SAXO1: variants seen among roughly 807,000 people sequenced by gnomAD.
SAXO1 encodes the protein stabilizer of axonemal microtubules 1.
In SAXO1, 21 loss-of-function variants were observed where a neutral mutation model predicts 17.5. The ratio of observed to expected loss-of-function variants is 1.20; its 90% CI spans 0.85 to 1.72. SAXO1 has a LOEUF of 1.72. Among genes scored for constraint, SAXO1 ranks in the 40% most tolerant of loss-of-function variants. The pLI is 0.00. For synonymous variants in SAXO1, 274 were observed against 216.5 expected, an observed-to-expected ratio of 1.27 and a Z score of -2.33; for missense variants, 843 against 596.0, an observed-to-expected ratio of 1.41 and a Z score of -4.32.
chr9:19,013,945 T>C (rs1252892250), intron 1 of SAXO1, among the ~76,000 whole-genome samples: 2 of 152,316 alleles, frequency 1.3e-5, no homozygotes, highest in Admixed American at 6.5e-5. Context: ...CTGGGCATGT[T>C]AGTCTGTAAC....
intron 1 of SAXO1, among the ~76,000 whole-genome samples, chr9:18,962,142 G>C (rs745569020): frequency 6.6e-6 from 1 of 151,972 alleles, no homozygotes; most frequent in Non-Finnish European, 1.5e-5. Flanking sequence ...ATCACTGCTC[G>C]CCTCAACCTC....
chr9:18,963,776 C>G (rs746279850), intron 1 of SAXO1, among the ~76,000 whole-genome samples: 1 of 152,056 alleles, frequency 6.6e-6, no homozygotes, highest in Non-Finnish European at 1.5e-5. Context: ...AATTGAATAC[C>G]CTTTATTTCT....
chr9:19,002,718 A>T (rs1397106356), intron 1 of SAXO1, among the ~76,000 whole-genome samples: 2 of 152,214 alleles, frequency 1.3e-5, no homozygotes, highest in Admixed American at 6.5e-5. Flanking sequence ...AACTCTCAAT[A>T]AACTAGGTAC....
intron 1 of SAXO1, among the ~76,000 whole-genome samples, chr9:19,041,332 G>A (rs1406608597): frequency 6.6e-6 from 1 of 152,122 alleles, no homozygotes; most frequent in Non-Finnish European, 1.5e-5. Flanking sequence ...CATGTACATG[G>A]ATTGGAAAAA....
rs766158929 is a variant in SAXO1, at chr9:18,928,428, A to C, written c.1049T>G (p.Met350Arg). Residue 350 changes from methionine (M) to arginine (R), a missense_variant, in exon 4 of 4, where the codon ATG (methionine) becomes AGG (arginine). Met to Arg is a moderately conservative substitution (Grantham distance 91, BLOSUM62 -1). Coordinates refer to ENST00000380534, the MANE Select transcript of SAXO1 (RefSeq NM_153707.4). ...AACGGGCTTGACTGGCTCTGTGCGC[A>C]TGCTGGACCACTGCTTGTAGTCATC... ...TKDDYKQWSS[M>R]RTEPVKPVPQ... 5 of 1,608,870 alleles carry C rather than the reference A, an allele frequency of 3.1e-6. No homozygotes were observed. The highest frequency in any genetic ancestry group is 1.7e-5 in the Admixed American group (1 of 59,612).
intron 1 of SAXO1, among the ~76,000 whole-genome samples, chr9:18,955,502 G>A (rs1023572214): frequency 2.0e-5 from 3 of 152,050 alleles, no homozygotes; most frequent in Non-Finnish European, 2.9e-5. Context: ...CAAGCACTTG[G>A]GTACTGGAAG....
chr9:19,022,262 C>A (rs1457854494), intron 1 of SAXO1, among the ~76,000 whole-genome samples: 1 of 152,234 alleles, frequency 6.6e-6, no homozygotes, highest in Non-Finnish European at 1.5e-5. Flanking sequence ...GGAAGAAACT[C>A]TGGACACATC....
At chr9:18,947,753 G>T (rs1390324871) in intron 2 of SAXO1, 1 of 152,196 alleles carries the variant, frequency 6.6e-6, no homozygotes, top group South Asian at 2.1e-4. Flanking sequence ...AGGGCTGCAA[G>T]AAAGAGTTTC....
At position 18,996,225 on chromosome 9, in the gene SAXO1, T is replaced by G. The variant is rs541193962; in HGVS notation, c.38+36646A>C. Among the ~76,000 whole-genome samples the G allele has an allele frequency of 3.0e-3, 460 of 152,364 alleles. 8 individuals carry two copies. In the South Asian group the frequency reaches 0.044, roughly 15 times the overall value. On this transcript the variant is annotated intron_variant, in intron 1 of 3. Transcript: ENST00000380534. ...CCACACTTGCTTTATCAATCCCCTT[T>G]TCTTCTTCGCTGCAGTATTTTAAAG...
At chr9:19,014,258 C>G (rs150746228) in intron 1 of SAXO1, among the ~76,000 whole-genome samples, 198 of 151,900 alleles carry the variant, frequency 1.3e-3, no homozygotes, top group Non-Finnish European at 1.8e-3. Flanking sequence ...GCCAGGAGTG[C>G]AAGACCAGCC....
At chr9:18,950,715 A>T in intron 2 of SAXO1, 43 bp downstream of exon 2, 1 of 1,536,824 alleles carries the variant, frequency 6.5e-7, no homozygotes, top group Non-Finnish European at 8.9e-7. Context: ...TTACTCCATT[A>T]GTGTTGTATG....
At position 19,013,753 on chromosome 9, in the gene SAXO1, G is replaced by A. The variant is rs187396260; in HGVS notation, c.38+19118C>T. Among the ~76,000 whole-genome samples, 946 of 151,978 alleles carry A rather than the reference G, an allele frequency of 6.2e-3. 9 individuals carry two copies. The highest frequency in any genetic ancestry group is 0.022 in the African/African-American group (896 of 41,408). On this transcript the variant is annotated intron_variant, in intron 1 of 3. Coordinates refer to ENST00000380534, the MANE Select transcript of SAXO1 (RefSeq NM_153707.4). The stretch of plus-strand genomic sequence containing the variant: ...GTGGAAACGGGTTTTCACCATGTTG[G>A]CCAGGCTGGTCTTGAACTCCTGACC...
chr9:18,985,544 CAG>C (rs1336743502), intron 1 of SAXO1, among the ~76,000 whole-genome samples: 2 of 152,154 alleles, frequency 1.3e-5, no homozygotes, highest in East Asian at 3.9e-4. Flanking sequence ...TTTTTCTAAA[CAG>C]AGCAGCAATT....
intron 1 of SAXO1, among the ~76,000 whole-genome samples, chr9:19,012,923 C>T (rs917877433): frequency 6.6e-6 from 1 of 152,164 alleles, no homozygotes; most frequent in African/African-American, 2.4e-5. Context: ...TCTGCACCAA[C>T]AAAAAGCACC....
At chr9:18,952,459 T>G (rs1336512464) in intron 1 of SAXO1, among the ~76,000 whole-genome samples, 53 of 152,222 alleles carry the variant, frequency 3.5e-4, no homozygotes, top group Admixed American at 1.6e-3. Flanking sequence ...ACCTTTTATA[T>G]AAATATTACT....
chr9:18,956,241 T>A (rs1832255411), intron 1 of SAXO1, among the ~76,000 whole-genome samples: 1 of 151,550 alleles, frequency 6.6e-6, no homozygotes, highest in Non-Finnish European at 1.5e-5. Flanking sequence ...ATAAGCACCA[T>A]GACCAGCATC....
chr9:19,032,818 G>A (rs563477746), intron 1 of SAXO1, 53 bp downstream of exon 1: 4 of 1,592,782 alleles, frequency 2.5e-6, no homozygotes, highest in Non-Finnish European at 3.4e-6. Context: ...CCCTTCCTCG[G>A]GAGTCTGAAA....
At chr9:18,989,456 G>A (rs1381338994) in intron 1 of SAXO1, among the ~76,000 whole-genome samples, 3 of 152,026 alleles carry the variant, frequency 2.0e-5, no homozygotes, top group African/African-American at 7.2e-5. Flanking sequence ...TACTAATGCA[G>A]ATTTATCATA....
At chr9:18,975,566 A>C (rs1833113797) in intron 1 of SAXO1, among the ~76,000 whole-genome samples, 1 of 152,236 alleles carries the variant, frequency 6.6e-6, no homozygotes, top group African/African-American at 2.4e-5. Context: ...TGTGTAACAA[A>C]GCTAGACCCT....
Sources: allele counts gnomAD v4.1 joint callset (sites outside exome capture counted in the v4.1 genomes callset), GRCh38; gene constraint gnomAD v4.1.1; transcripts MANE v1.5; gene names NCBI Gene and HGNC (gene_info 2026-07-23, HGNC 2026-07-21).